The following AUTS2 variants were observed in gnomAD, a reference collection of about 807,000 sequenced individuals.
The protein encoded by AUTS2 is activator of transcription and developmental regulator AUTS2.
In AUTS2, 17 loss-of-function variants were observed where a neutral mutation model predicts 112.4. The observed-to-expected ratio is 0.15, with a 90% confidence interval of 0.10 to 0.23. The LOEUF is 0.23. AUTS2 is among the 10% of genes least tolerant of loss of function. The pLI is 1.00. For missense variants in AUTS2, 1,510 were observed against 1,701.6 expected (o/e 0.89, Z 1.98); for synonymous variants, 751 against 702.7 (o/e 1.07, Z -1.09).
At chr7:70,158,212 T>C (rs1487083859) in intron 4 of AUTS2, among the ~76,000 whole-genome samples, 1 of 151,502 alleles carries the variant, frequency 6.6e-6, no homozygotes, top group Non-Finnish European at 1.5e-5. Context: ...TAAAGAGTTT[T>C]CATTTCATAG....
intron 1 of AUTS2, among the ~76,000 whole-genome samples, chr7:69,682,554 C>T (rs1233876934): frequency 6.6e-6 from 1 of 152,104 alleles, no homozygotes; most frequent in African/African-American, 2.4e-5. Flanking sequence ...TAATACTAGC[C>T]TCTTCAATAC....
At chr7:70,455,910 T>C (rs1470436826) in intron 5 of AUTS2, among the ~76,000 whole-genome samples, 1 of 152,170 alleles carries the variant, frequency 6.6e-6, no homozygotes, top group African/African-American at 2.4e-5. Context: ...AACCATGAGC[T>C]TTGGGGTCAG....
At chr7:70,322,054 C>T (rs752129825) in intron 4 of AUTS2, among the ~76,000 whole-genome samples, 2 of 152,114 alleles carry the variant, frequency 1.3e-5, no homozygotes, top group African/African-American at 2.4e-5. Context: ...GACAGAATTC[C>T]TCTTTAGATC....
intron 1 of AUTS2, among the ~76,000 whole-genome samples, chr7:69,649,159 C>T (rs912192985): frequency 6.6e-6 from 1 of 152,162 alleles, no homozygotes; most frequent in African/African-American, 2.4e-5. Flanking sequence ...GCCAGTTTTT[C>T]ACTACACTTT....
chr7:69,631,174 A>C (rs1236040018), intron 1 of AUTS2, among the ~76,000 whole-genome samples: 7 of 150,800 alleles, frequency 4.6e-5, no homozygotes, highest in Admixed American at 1.3e-4. Flanking sequence ...TTGTGTACAC[A>C]CTTTTTTTTT....
intron 5 of AUTS2, among the ~76,000 whole-genome samples, chr7:70,580,948 C>T (rs942783155): frequency 6.6e-6 from 1 of 151,956 alleles, no homozygotes; most frequent in African/African-American, 2.4e-5. Flanking sequence ...AATCTGTAAC[C>T]AAAAAAATAG....
intron 1 of AUTS2, among the ~76,000 whole-genome samples, chr7:69,619,191 C>G (rs749041712): frequency 5.9e-5 from 9 of 152,176 alleles, no homozygotes; most frequent in African/African-American, 7.2e-5. Flanking sequence ...GGGAGTTCCT[C>G]TCCTTAGACT....
At chr7:69,909,561 A>G (rs2129541644) in intron 2 of AUTS2, among the ~76,000 whole-genome samples, 2 of 152,314 alleles carry the variant, frequency 1.3e-5, no homozygotes, top group South Asian at 2.1e-4. Flanking sequence ...ATCTGAAAAT[A>G]TTGCCCATAT....
intron 4 of AUTS2, among the ~76,000 whole-genome samples, chr7:70,310,363 C>T (rs1404515102): frequency 6.6e-6 from 1 of 152,122 alleles, no homozygotes. Flanking sequence ...GTAATCCCAG[C>T]ACTTTGGGAG....
At chr7:69,688,819 A>G (rs1449872501) in intron 1 of AUTS2, among the ~76,000 whole-genome samples, 1 of 152,188 alleles carries the variant, frequency 6.6e-6, no homozygotes, top group South Asian at 2.1e-4. Context: ...TTATCCATCT[A>G]GGGAAATGAT....
At chr7:70,621,823 G>GTGCATAGTCAT (rs1804687607) in intron 5 of AUTS2, among the ~76,000 whole-genome samples, 1 of 142,150 alleles carries the variant, frequency 7.0e-6, no homozygotes, top group Non-Finnish European at 1.5e-5. Context: ...GCTTACGTTA[G>GTGCATAGTCAT]TGCATAGTCA....
At chr7:69,708,283 A>G (rs1391815333) in intron 1 of AUTS2, among the ~76,000 whole-genome samples, 1 of 148,276 alleles carries the variant, frequency 6.7e-6, no homozygotes, top group Non-Finnish European at 1.5e-5. Context: ...TTTTTCATGG[A>G]TGATCGAAAG....
chr7:69,843,714 G>C (rs1792076905), intron 1 of AUTS2, among the ~76,000 whole-genome samples: 1 of 152,134 alleles, frequency 6.6e-6, no homozygotes, highest in Non-Finnish European at 1.5e-5. Context: ...TTGTTTACCA[G>C]TGTGGTAACC....
At chr7:70,029,354 AC>A (rs1315431232) in intron 2 of AUTS2, among the ~76,000 whole-genome samples, 3 of 148,932 alleles carry the variant, frequency 2.0e-5, no homozygotes, top group Non-Finnish European at 3.0e-5. Context: ...TTTTAAGGGT[AC>A]CTATCACAGT....
intron 4 of AUTS2, among the ~76,000 whole-genome samples, chr7:70,357,108 C>T (rs908836003): frequency 1.3e-5 from 2 of 152,112 alleles, no homozygotes; most frequent in Non-Finnish European, 1.5e-5. Flanking sequence ...AAGTGGGAAG[C>T]GTTGGCCAAC....
chr7:70,053,384 G>T (rs1801840067), intron 2 of AUTS2, among the ~76,000 whole-genome samples: 1 of 152,072 alleles, frequency 6.6e-6, no homozygotes, highest in Non-Finnish European at 1.5e-5. Flanking sequence ...GCTTTCTTCT[G>T]TAGCTACCCT....
intron 5 of AUTS2, among the ~76,000 whole-genome samples, chr7:70,569,075 C>T (rs919722446): frequency 6.6e-6 from 1 of 152,174 alleles, no homozygotes; most frequent in South Asian, 2.1e-4. Flanking sequence ...CACGATGCTC[C>T]GCTCTCCCCA....
At chr7:69,942,098 C>T (rs1237641190) in intron 2 of AUTS2, among the ~76,000 whole-genome samples, 1 of 152,162 alleles carries the variant, frequency 6.6e-6, no homozygotes, top group Non-Finnish European at 1.5e-5. Flanking sequence ...AGACTTTTCA[C>T]AATGCCCTTG....
chr7:70,739,429 C>A (rs1315150003), intron 6 of AUTS2, among the ~76,000 whole-genome samples: 1 of 151,144 alleles, frequency 6.6e-6, no homozygotes, highest in African/African-American at 2.4e-5. Flanking sequence ...ATCTTCCCAC[C>A]TTGGCCTCCC....
Sources: allele counts gnomAD v4.1 joint callset (sites outside exome capture counted in the v4.1 genomes callset), GRCh38; gene constraint gnomAD v4.1.1; transcripts MANE v1.5; gene names NCBI Gene and HGNC (gene_info 2026-07-23, HGNC 2026-07-21).